Variants in SVOPL observed in about 807,000 individuals in gnomAD.
SVOPL encodes the protein SVOP like.
A neutral mutation model predicts 61.0 loss-of-function variants in SVOPL; 60 were observed. The observed-to-expected ratio is 0.98, with a 90% CI of 0.80 to 1.22. The LOEUF is 1.22. Among genes scored for constraint, SVOPL ranks in the 50% most tolerant of loss-of-function variants. The pLI is 0.00. For synonymous variants in SVOPL, 279 were observed against 250.0 expected (o/e 1.12, Z -1.09); for missense variants, 662 against 643.9 (o/e 1.03, Z -0.30).
Position 138,656,387 on chromosome 7 carries a change from C to T in SVOPL, c.534+61G>A, listed in dbSNP as rs1801730372. 5 of 1,530,172 alleles carry T rather than the reference C, an allele frequency of 3.3e-6. 1 individual carries two copies. Among genetic ancestry groups the T allele is most frequent in the Admixed American group, 1.7e-5 (1 of 58,220 alleles). 94.8% of individuals were successfully genotyped at this position (1,530,172 alleles called of 1,614,324 possible). ...AACCAGCAGTATTTCCAAGGTATGC[C>T]TATATGTACATCTTATCCCATAGGA... On this transcript the variant is annotated intron_variant, in intron 7 of 15. Coordinates refer to ENST00000674285, the MANE Select transcript of SVOPL (RefSeq NM_001139456.2).
At chr7:138,608,191 CCT>C (rs1256689798) in intron 14 of SVOPL, among the ~76,000 whole-genome samples, 1 of 152,166 alleles carries the variant, frequency 6.6e-6, no homozygotes, top group African/African-American at 2.4e-5. Context: ...GTCAATTTTT[CCT>C]CTATTAGCTG....
intron 1 of SVOPL, among the ~76,000 whole-genome samples, chr7:138,682,983 GA>G (rs1182438262): frequency 1.9e-5 from 2 of 104,312 alleles, no homozygotes; most frequent in African/African-American, 4.5e-5. Context: ...AAAAAAAAAA[GA>G]AAAAAAAAAG....
intron 3 of SVOPL, among the ~76,000 whole-genome samples, chr7:138,676,465 G>A (rs1220287048): frequency 1.3e-5 from 2 of 152,118 alleles, no homozygotes; most frequent in Admixed American, 1.3e-4. Flanking sequence ...CGCTCACAGG[G>A]TGGAAAGGCA....
At chr7:138,594,944 C>G (rs1334286932) in intron 15 of SVOPL, among the ~76,000 whole-genome samples, 1 of 143,800 alleles carries the variant, frequency 7.0e-6, no homozygotes. Context: ...TTTTTAGAGA[C>G]AGGGTTTCAC....
chr7:138,671,919 C>CA (rs776808110), intron 4 of SVOPL, 100 bp downstream of exon 4: 1,053,544 of 1,053,568 alleles, frequency 1, 526,760 homozygotes, highest in Middle Eastern at 1. Flanking sequence ...CCAACAGTGG[C>CA]AGTGGTGAGA....
chr7:138,657,014 C>T (rs1801770881), intron 6 of SVOPL, among the ~76,000 whole-genome samples: 1 of 148,562 alleles, frequency 6.7e-6, no homozygotes, highest in African/African-American at 2.5e-5. Context: ...TGCACTCCAG[C>T]AACAAGAGCG....
At chr7:138,675,574 T>C (rs1347901069) in intron 3 of SVOPL, among the ~76,000 whole-genome samples, 1 of 152,096 alleles carries the variant, frequency 6.6e-6, no homozygotes, top group Non-Finnish European at 1.5e-5. Flanking sequence ...AAGATTGGTC[T>C]CCAACTCCTG....
rs1339577711 is a variant in SVOPL at position 138,657,296 on chromosome 7, C to T, written c.471-785G>A. On this transcript the variant is annotated intron_variant, in intron 6 of 15. Transcript: ENST00000674285. The stretch of plus-strand genomic sequence containing the variant: ...TCAGCCTCCCAAGTGGCTGGGATTA[C>T]AGGTGCTCACCACCACACCCAGCTA... Among the ~76,000 whole-genome samples, 3 of 152,024 alleles carry T rather than the reference C, an allele frequency of 2.0e-5. No individual in the cohort carries two copies. The East Asian group carries it at 5.8e-4, about 29-fold the overall frequency.
rs1456122899 is a variant in SVOPL at position 138,701,357 on chromosome 7, T to A, written c.-214A>T. On this transcript the variant is annotated 5_prime_UTR_variant, in exon 1 of 16. Transcript: ENST00000674285. ...TTTCAGGTCGGGTCTCAGATCAGGA[T>A]TCTTTAAGGGCCAACTTCGCATTCT... 1 of 152,218 alleles carries A rather than the reference T, an allele frequency of 6.6e-6. No individual in the cohort carries two copies. Among genetic ancestry groups the A allele is most frequent in the East Asian group, 1.9e-4 (1 of 5,194 alleles). 9.4% of individuals were successfully genotyped at this position (152,218 alleles called of 1,614,324 possible).
intron 13 of SVOPL, among the ~76,000 whole-genome samples, chr7:138,622,260 A>G (rs1799692392): frequency 8.9e-6 from 1 of 112,840 alleles, no homozygotes; most frequent in Non-Finnish European, 2.0e-5. Context: ...CTATGTATCT[A>G]TCTATCTATG....
intron 12 of SVOPL, among the ~76,000 whole-genome samples, chr7:138,626,325 C>A (rs1799892312): frequency 6.6e-6 from 1 of 152,184 alleles, no homozygotes; most frequent in South Asian, 2.1e-4. Context: ...CACCTGTAAT[C>A]CCTGCAGTTT....
intron 3 of SVOPL, among the ~76,000 whole-genome samples, chr7:138,673,542 G>A (rs532707000): frequency 2.0e-5 from 3 of 152,258 alleles, no homozygotes; most frequent in South Asian, 4.1e-4. Context: ...CTACTCAGGA[G>A]GGTGAGGCAC....
chr7:138,621,719 G>A (rs1459206085), intron 13 of SVOPL, among the ~76,000 whole-genome samples: 1 of 152,086 alleles, frequency 6.6e-6, no homozygotes, highest in African/African-American at 2.4e-5. Flanking sequence ...CACCATACCT[G>A]GCCCCTGTGT....
intron 14 of SVOPL, among the ~76,000 whole-genome samples, chr7:138,610,090 GAACT>G (rs1318048479): frequency 2.0e-5 from 3 of 152,244 alleles, no homozygotes; most frequent in East Asian, 1.9e-4. Context: ...CAATAATACA[GAACT>G]AACTGAAAAG....
intron 7 of SVOPL, among the ~76,000 whole-genome samples, chr7:138,654,770 G>C (rs1424159937): frequency 6.6e-6 from 1 of 151,750 alleles, no homozygotes; most frequent in Non-Finnish European, 1.5e-5. Flanking sequence ...GCTGAGGCAG[G>C]AGAATAGCCA....
At chr7:138,605,505 T>C (rs181142108) in intron 14 of SVOPL, among the ~76,000 whole-genome samples, 2 of 151,792 alleles carry the variant, frequency 1.3e-5, no homozygotes, top group Admixed American at 1.3e-4. Flanking sequence ...CTACTAAAAA[T>C]ACAAAAATTA....
At chr7:138,660,893 T>A (rs1002231401) in intron 5 of SVOPL, 2 of 985,226 alleles carry the variant, frequency 2.0e-6, no homozygotes, top group African/African-American at 3.5e-5. Flanking sequence ...ATTTCAACGG[T>A]GCAGGACTCT....
rs777453705 is a variant in SVOPL, at chr7:138,663,058, G to T, written c.345+16C>A. On this transcript the variant is annotated intron_variant, in intron 5 of 15. Transcript: ENST00000674285. Reference sequence around the variant, plus strand: ...ACAAAAGACAATTCCAAATGCTACTGTGAGGCCCCACCTACCTTCCAGCGG... The same window carrying T: ...ACAAAAGACAATTCCAAATGCTACTTTGAGGCCCCACCTACCTTCCAGCGG... 1.1e-5 allele frequency: 18 copies of T among 1,614,140 alleles called. No homozygotes were observed. The South Asian group carries it at 2.0e-4, about 18-fold the overall frequency.
intron 15 of SVOPL, among the ~76,000 whole-genome samples, chr7:138,595,357 A>G (rs1798237188): frequency 6.6e-6 from 1 of 152,174 alleles, no homozygotes; most frequent in Admixed American, 6.5e-5. Context: ...GATTTTTCCC[A>G]AAGACATGTA....
Sources: allele counts gnomAD v4.1 joint callset (sites outside exome capture counted in the v4.1 genomes callset), GRCh38; gene constraint gnomAD v4.1.1; transcripts MANE v1.5; gene names NCBI Gene and HGNC (gene_info 2026-07-23, HGNC 2026-07-21).